The following NLGN4X variants were observed in gnomAD, a reference collection of about 807,000 sequenced individuals.
NLGN4X encodes neuroligin 4 X-linked.
In NLGN4X, 3 loss-of-function variants were observed where a neutral mutation model predicts 40.3. The observed-to-expected ratio is 0.07, with a 90% confidence interval of 0.03 to 0.19. NLGN4X has a LOEUF of 0.19. Among genes scored for constraint, NLGN4X ranks in the 10% least tolerant of loss-of-function variants. NLGN4X has a pLI of 1.00. For missense variants in NLGN4X, 382 were observed against 708.3 expected (o/e 0.54, Z 5.23); for synonymous variants, 270 against 306.8 (o/e 0.88, Z 1.25).
chrX:6,061,051 T>C (rs987845451), intron 2 of NLGN4X, among the ~76,000 whole-genome samples: 1 of 112,052 alleles, frequency 8.9e-6, no homozygotes, highest in Non-Finnish European at 1.9e-5. Flanking sequence ...AGATGAAACA[T>C]GAACAGAAAT....
At chrX:5,937,089 T>G (rs770766980) in intron 3 of NLGN4X, among the ~76,000 whole-genome samples, 1 of 110,976 alleles carries the variant, frequency 9.0e-6, no homozygotes, top group East Asian at 2.9e-4. Context: ...AATGAATTTT[T>G]TTTTTAAGCA....
At chrX:5,969,327 GA>G (rs199574364) in intron 3 of NLGN4X, among the ~76,000 whole-genome samples, 19 of 111,025 alleles carry the variant, frequency 1.7e-4, no homozygotes, top group African/African-American at 5.9e-4. Flanking sequence ...AAATTTCCAA[GA>G]AAAAACAAAA....
chrX:6,118,808 A>G (rs887674490), intron 2 of NLGN4X, among the ~76,000 whole-genome samples: 2 of 111,383 alleles, frequency 1.8e-5, no homozygotes, highest in Non-Finnish European at 3.8e-5. Flanking sequence ...CCTACTGTCC[A>G]GCACCTCTCT....
At chrX:6,046,856 T>C (rs2037332993) in intron 2 of NLGN4X, among the ~76,000 whole-genome samples, 1 of 75,474 alleles carries the variant, frequency 1.3e-5, no homozygotes, top group Non-Finnish European at 2.7e-5. Context: ...TAAACACATA[T>C]ATATATACAC....
chrX:5,902,308 G>A (rs1160852876), intron 5 of NLGN4X, among the ~76,000 whole-genome samples: 2 of 111,072 alleles, frequency 1.8e-5, no homozygotes, highest in South Asian at 7.7e-4. Context: ...AGGATCCCTT[G>A]AGCCCAGGAG....
chrX:5,926,569 T>C (rs927186799), intron 3 of NLGN4X, among the ~76,000 whole-genome samples: 2 of 110,769 alleles, frequency 1.8e-5, no homozygotes, highest in Non-Finnish European at 3.8e-5. Flanking sequence ...GTGAGTTTTA[T>C]TCTGGGTGTC....
At chrX:5,929,563 T>C (rs2033469992) in intron 3 of NLGN4X, among the ~76,000 whole-genome samples, 1 of 112,443 alleles carries the variant, frequency 8.9e-6, no homozygotes, top group Non-Finnish European at 1.9e-5. Context: ...TGTGTGTATA[T>C]ATATGCATGC....
intron 3 of NLGN4X, among the ~76,000 whole-genome samples, chrX:5,946,911 A>G (rs1440124347): frequency 1.8e-5 from 2 of 111,475 alleles, no homozygotes; most frequent in Admixed American, 9.6e-5. Flanking sequence ...GCTCCCACTT[A>G]TAAGTGAGAA....
intron 3 of NLGN4X, among the ~76,000 whole-genome samples, chrX:5,925,857 T>C (rs866460343): frequency 5.0e-5 from 3 of 59,462 alleles, no homozygotes; most frequent in African/African-American, 1.4e-4. Flanking sequence ...TACACATATA[T>C]ATATATATAT....
chrX:6,119,635 G>A (rs957805788), intron 2 of NLGN4X, among the ~76,000 whole-genome samples: 11 of 110,893 alleles, frequency 9.9e-5, no homozygotes, highest in African/African-American at 3.6e-4. Context: ...TGTCTAAAGG[G>A]AACAGCCACA....
intron 2 of NLGN4X, among the ~76,000 whole-genome samples, chrX:6,107,723 C>T (rs1204317482): frequency 2.7e-5 from 3 of 111,352 alleles, no homozygotes; most frequent in Non-Finnish European, 5.7e-5. Flanking sequence ...TTGTTTGAGT[C>T]CCCAGTGTTG....
At chrX:6,074,680 A>G (rs1458077811) in intron 2 of NLGN4X, among the ~76,000 whole-genome samples, 1 of 111,865 alleles carries the variant, frequency 8.9e-6, no homozygotes, top group Non-Finnish European at 1.9e-5. Flanking sequence ...GAGGAACTTG[A>G]GAGTCATAGA....
intron 2 of NLGN4X, among the ~76,000 whole-genome samples, chrX:6,110,568 G>A (rs7879679): frequency 0.2 from 22,293 of 111,163 alleles, 1,875 homozygotes; most frequent in South Asian, 0.26. Flanking sequence ...TTAATGGAAC[G>A]AAGGGGCTGT....
At chrX:6,225,912 CAAATAG>C (rs1387453378) in intron 1 of NLGN4X, among the ~76,000 whole-genome samples, 3 of 89,185 alleles carry the variant, frequency 3.4e-5, no homozygotes, top group African/African-American at 4.4e-5. Context: ...AAAAAATGAC[CAAATAG>C]AAATAAAATA....
intron 2 of NLGN4X, among the ~76,000 whole-genome samples, chrX:6,134,332 G>A (rs1188839814): frequency 8.9e-6 from 1 of 111,753 alleles, no homozygotes; most frequent in Non-Finnish European, 1.9e-5. Context: ...CCTTGAACGT[G>A]CTCCTCTGTC....
Position 6,042,686 on chromosome X carries a change from T to C in NLGN4X, c.473-13254A>G, listed in dbSNP as rs1474668174. On this transcript the variant is annotated intron_variant, in intron 2 of 5. Transcript: ENST00000381095. ...AAACCTAACATACCCATAGAGGTTTTATATATATATATATATATATATATA... is the reference window on the plus strand; with the variant it reads ...AAACCTAACATACCCATAGAGGTTTCATATATATATATATATATATATATA... Among the ~76,000 whole-genome samples, 3 of 9,478 alleles carry C rather than the reference T, an allele frequency of 3.2e-4. No individual in the cohort carries two copies. The East Asian group carries it at 0.019, about 59-fold the overall frequency. The allele number at this position is 9,478 out of a possible 115,157, so 8.2% of individuals were successfully genotyped here.
intron 2 of NLGN4X, chrX:6,032,643 G>GAT (rs776744362): frequency 1.2e-6 from 1 of 830,425 alleles, no homozygotes; most frequent in East Asian, 3.3e-5. Flanking sequence ...GAGATAGATA[G>GAT]ATATAAAATC....
chrX:6,015,077 T>C (rs2036358759), intron 3 of NLGN4X, among the ~76,000 whole-genome samples: 1 of 112,143 alleles, frequency 8.9e-6, no homozygotes, highest in Non-Finnish European at 1.9e-5. Flanking sequence ...AGCACCCTTC[T>C]CTACTAAATA....
chrX:6,151,474 A>C lies in NLGN4X; in HGVS notation c.-8T>G. 1 of 1,191,750 alleles carries C rather than the reference A, an allele frequency of 8.4e-7. No individual in the cohort carries two copies. Reference sequence around the variant, plus strand: ...TCCCTGGGGCCGTGACATGGTTCAAATCTGCATCCACATCCACAGCTGTCC... The same window carrying C: ...TCCCTGGGGCCGTGACATGGTTCAACTCTGCATCCACATCCACAGCTGTCC... On this transcript the variant is annotated 5_prime_UTR_variant, in exon 2 of 6. Transcript: ENST00000381095.
Sources: gnomAD v4.1 joint callset for allele counts (sites outside exome capture counted in the v4.1 genomes callset) on GRCh38, gnomAD v4.1.1 for gene constraint, MANE v1.5 for transcripts, NCBI Gene and HGNC (gene_info 2026-07-23, HGNC 2026-07-21) for gene names.